The following TLK1 variants were observed in gnomAD, a reference collection of about 807,000 sequenced individuals.
The protein encoded by TLK1 is serine/threonine-protein kinase tousled-like 1.
In TLK1, 24 loss-of-function variants were observed where a neutral mutation model predicts 105.3. That is an observed-to-expected ratio of 0.23 (90% confidence interval 0.17 to 0.32). The LOEUF (loss-of-function observed/expected upper bound fraction) is 0.32, where lower values mean the gene tolerates loss of function less well. Among genes scored for constraint, TLK1 ranks in the 10% least tolerant of loss-of-function variants. TLK1 has a pLI of 1.00. For synonymous variants in TLK1, 321 were observed against 310.4 expected (o/e 1.03, Z -0.36); for missense variants, 558 against 910.5 (o/e 0.61, Z 4.98).
chr2:171,175,718 C>T (rs1029640824), intron 1 of TLK1, among the ~76,000 whole-genome samples: 3 of 152,176 alleles, frequency 2.0e-5, no homozygotes, highest in Non-Finnish European at 4.4e-5. Flanking sequence ...CAGCTGATTG[C>T]TCCCTTCTTC....
At chr2:171,140,274 C>T (rs544795111) in intron 1 of TLK1, among the ~76,000 whole-genome samples, 3 of 152,274 alleles carry the variant, frequency 2.0e-5, no homozygotes, top group African/African-American at 7.2e-5. Context: ...GTGATCAGGT[C>T]ATCAAACCAA....
intron 1 of TLK1, among the ~76,000 whole-genome samples, chr2:171,174,834 T>G: frequency 6.6e-6 from 1 of 152,316 alleles, no homozygotes; most frequent in Non-Finnish European, 1.5e-5. Context: ...ATTATTTAGA[T>G]TCACCATCTT....
intron 3 of TLK1, among the ~76,000 whole-genome samples, chr2:171,064,284 A>G (rs1051096031): frequency 6.6e-6 from 1 of 152,178 alleles, no homozygotes; most frequent in African/African-American, 2.4e-5. Context: ...CCAGCCTACC[A>G]GAGACATATC....
chr2:171,013,970 A>G (rs1477528134), intron 13 of TLK1, among the ~76,000 whole-genome samples: 1 of 152,194 alleles, frequency 6.6e-6, no homozygotes, highest in African/African-American at 2.4e-5. Flanking sequence ...TTTTCTTTCA[A>G]TTGCTTCAAC....
intron 1 of TLK1, among the ~76,000 whole-genome samples, chr2:171,129,140 A>C (rs1255568651): frequency 6.6e-6 from 1 of 152,238 alleles, no homozygotes; most frequent in Admixed American, 6.5e-5. Context: ...CAGAAAGTAG[A>C]CTGGTATCTT....
At chr2:171,139,904 G>C (rs1374198127) in intron 1 of TLK1, among the ~76,000 whole-genome samples, 3 of 152,108 alleles carry the variant, frequency 2.0e-5, no homozygotes, top group South Asian at 2.1e-4. Context: ...TTCTCATAAG[G>C]AGCAAGCGAC....
At position 170,993,836 on chromosome 2, in the gene TLK1, T is replaced by C. The variant is rs766484529; in HGVS notation, c.2245A>G (p.Met749Val). Residue 749 changes from methionine to valine, a missense_variant, in exon 21 of 21, where the codon ATG becomes GTG. Physicochemically the swap from Met to Val is conservative, Grantham distance 21. Coordinates refer to ENST00000431350, the MANE Select transcript of TLK1 (RefSeq NM_012290.5). ...RRSNSSGNLH[M>V]AGLTASPTPP... is the part of the protein sequence containing the mutation. ...GTAGGGGATGCTGTCAGCCCAGCCA[T>C]GTGTAGGTTTCCTGAAGAATTTGAT... The C allele has an allele frequency of 4.3e-6, 7 of 1,613,036 alleles. No homozygotes were observed. Among genetic ancestry groups the C allele is most frequent in the Non-Finnish European group, 5.9e-6 (7 of 1,179,540 alleles).
Position 171,160,593 on chromosome 2 carries a change from G to C in TLK1, c.-165C>G, listed in dbSNP as rs1692448274. 4.4e-6 allele frequency: 5 copies of C among 1,134,648 alleles called. No homozygotes were observed. The South Asian group carries it at 7.8e-5, about 18-fold the overall frequency. 70.3% of individuals were successfully genotyped at this position (1,134,648 alleles called of 1,614,324 possible). ...GGGGGAGGAAACCGAGAAGAGGGGAGGTGGGGAGGAAAGAGGTGAGGGAAG... is the reference window on the plus strand; with the variant it reads ...GGGGGAGGAAACCGAGAAGAGGGGACGTGGGGAGGAAAGAGGTGAGGGAAG... On this transcript the variant is annotated 5_prime_UTR_variant, in exon 1 of 21. Transcript: ENST00000431350. The surrounding 1 kb of genome is among the most constrained non-coding windows in gnomAD (Gnocchi z 4.4).
At position 171,216,863 on chromosome 2, in the gene TLK1, C is replaced by T. The variant is rs560127563; in HGVS notation, c.-6+14282G>A. Among the ~76,000 whole-genome samples, 9 of 152,244 alleles carry T rather than the reference C, an allele frequency of 5.9e-5. No individual in the cohort carries two copies. In the South Asian group the frequency reaches 1.7e-3, roughly 28 times the overall value. On this transcript the variant is annotated intron_variant, in intron 1 of 20. Coordinates refer to the TLK1 transcript ENST00000521943. ...GACAAGGCATGCCAAAGACAGCCAG[C>T]GAACCATCAGAAGCTGGAAGAGCCA...
intron 1 of TLK1, among the ~76,000 whole-genome samples, chr2:171,130,821 C>G (rs1328821773): frequency 1.3e-5 from 2 of 152,092 alleles, no homozygotes; most frequent in Non-Finnish European, 2.9e-5. Flanking sequence ...AAAACTAAAA[C>G]AATCTTTAAC....
chr2:171,002,852 ATCT>A (rs1340713544), intron 18 of TLK1, among the ~76,000 whole-genome samples: 30 of 150,644 alleles, frequency 2.0e-4, no homozygotes, highest in Admixed American at 4.6e-4. Context: ...GCTCAGGCTG[ATCT>A]TCATCTCTCA....
At chr2:171,014,369 T>TTC (rs1228436709) in intron 13 of TLK1, among the ~76,000 whole-genome samples, 1 of 146,758 alleles carries the variant, frequency 6.8e-6, no homozygotes, top group African/African-American at 2.5e-5. Flanking sequence ...AGCAGAGACT[T>TTC]TTTTTTTTTT....
chr2:171,136,227 A>G (rs1691316039), intron 1 of TLK1, among the ~76,000 whole-genome samples: 1 of 152,260 alleles, frequency 6.6e-6, no homozygotes, highest in South Asian at 2.1e-4. Context: ...CAAAATGACA[A>G]ATACTATATG....
chr2:171,180,000 C>G (rs1005300587), intron 1 of TLK1, among the ~76,000 whole-genome samples: 2 of 150,512 alleles, frequency 1.3e-5, no homozygotes, highest in Non-Finnish European at 2.9e-5. Flanking sequence ...GAGGCTGAAG[C>G]ACAAGAATCA....
intron 18 of TLK1, among the ~76,000 whole-genome samples, chr2:170,999,836 G>A (rs1684273524): frequency 1.3e-5 from 2 of 151,922 alleles, no homozygotes; most frequent in Admixed American, 6.6e-5. Context: ...ACGGCTCACT[G>A]CAGCCTCGAT....
At chr2:171,042,701 G>A (rs545876613) in intron 11 of TLK1, among the ~76,000 whole-genome samples, 1 of 151,018 alleles carries the variant, frequency 6.6e-6, no homozygotes, top group African/African-American at 2.4e-5. Flanking sequence ...GAGGCAATAG[G>A]AGAAACTGGT....
chr2:171,163,159 G>A (rs1692546703), upstream of TLK1, among the ~76,000 whole-genome samples: 2 of 152,168 alleles, frequency 1.3e-5, no homozygotes, highest in South Asian at 4.1e-4. Context: ...ATTATCAATA[G>A]TTTGTTTTTA....
chr2:171,078,797 G>C (rs1452822190), intron 3 of TLK1, among the ~76,000 whole-genome samples: 1 of 152,186 alleles, frequency 6.6e-6, no homozygotes, highest in Admixed American at 6.5e-5. Flanking sequence ...GAAGGTTATA[G>C]AGTTTTATAA....
intron 1 of TLK1, among the ~76,000 whole-genome samples, chr2:171,180,529 A>G (rs926834455): frequency 6.6e-6 from 1 of 152,200 alleles, no homozygotes; most frequent in Admixed American, 6.5e-5. Flanking sequence ...ACTGATGACT[A>G]TTAAATTTTA....
Sources: allele counts gnomAD v4.1 joint callset (sites outside exome capture counted in the v4.1 genomes callset), GRCh38; gene constraint gnomAD v4.1.1; non-coding constraint Gnocchi (gnomAD v3.1); transcripts MANE v1.5; gene names NCBI Gene and HGNC (gene_info 2026-07-23, HGNC 2026-07-21).